Variants in PRKCE observed in about 807,000 individuals in gnomAD.
PRKCE encodes the protein protein kinase C epsilon type.
In PRKCE, 16 loss-of-function variants were observed where a neutral mutation model predicts 85.4. That is an observed-to-expected ratio of 0.19 (90% confidence interval 0.13 to 0.28). The LOEUF (loss-of-function observed/expected upper bound fraction) is 0.28, where lower values mean the gene tolerates loss of function less well. Among genes scored for constraint, PRKCE ranks in the 10% least tolerant of loss-of-function variants. PRKCE has a pLI of 1.00. For synonymous variants in PRKCE, 388 were observed against 371.5 expected (o/e 1.04, Z -0.51); for missense variants, 573 against 975.2 (o/e 0.59, Z 5.49).
At chr2:45,889,079 T>C (rs1297541739) in intron 2 of PRKCE, among the ~76,000 whole-genome samples, 2 of 152,232 alleles carry the variant, frequency 1.3e-5, no homozygotes, top group Admixed American at 6.5e-5. Flanking sequence ...GCATTTGGGT[T>C]GCTCTGTTAT....
chr2:46,019,375 G>C (rs980193969), intron 10 of PRKCE, among the ~76,000 whole-genome samples: 1 of 152,120 alleles, frequency 6.6e-6, no homozygotes, highest in Non-Finnish European at 1.5e-5. Flanking sequence ...CCATGGGATG[G>C]GGTCCTGTCC....
rs755406202 is a variant in PRKCE at position 46,086,324 on chromosome 2, G to T, written c.1554G>T (p.Ser518=). The T allele has an allele frequency of 6.3e-7, 1 of 1,599,536 alleles. No individual in the cohort carries two copies. Among genetic ancestry groups the T allele is most frequent in the South Asian group, 1.1e-5 (1 of 91,064 alleles). The change falls in exon 11 of 15, where the codon TCG becomes TCT. Residue 518 remains serine, a synonymous_variant. Coordinates refer to ENST00000306156, the MANE Select transcript of PRKCE (RefSeq NM_005400.3). ...RSRFYAAEVT[S]ALMFLHQHGV... is the part of the protein sequence containing the mutation. ...GGTTCTATGCTGCAGAGGTCACATC[G>T]GCCCTCATGTTCCTCCACCAGCATG... is the stretch of plus-strand genomic sequence containing the variant.
chr2:45,962,425 TA>T (rs1463532846), intron 2 of PRKCE, among the ~76,000 whole-genome samples: 1 of 152,228 alleles, frequency 6.6e-6, no homozygotes, highest in East Asian at 1.9e-4. Context: ...GGATCTCCCT[TA>T]AGCATCTGTG....
chr2:46,129,946 T>C (rs1674257034), intron 11 of PRKCE, among the ~76,000 whole-genome samples: 1 of 152,252 alleles, frequency 6.6e-6, no homozygotes, highest in South Asian at 2.1e-4. Context: ...GTGTATATCT[T>C]AACAGCTAAT....
intron 11 of PRKCE, among the ~76,000 whole-genome samples, chr2:46,118,818 G>A (rs17034573): frequency 0.03 from 4,578 of 152,282 alleles, 129 homozygotes; most frequent in East Asian, 0.11. Context: ...TGACCTGTCC[G>A]ATAGCAAACC....
At chr2:46,026,596 G>A (rs1707130621) in intron 10 of PRKCE, among the ~76,000 whole-genome samples, 1 of 152,176 alleles carries the variant, frequency 6.6e-6, no homozygotes, top group Non-Finnish European at 1.5e-5. Context: ...TTGACAACCT[G>A]TATCCAAGAG....
intron 11 of PRKCE, among the ~76,000 whole-genome samples, chr2:46,111,265 C>T (rs1672230471): frequency 6.6e-6 from 1 of 152,126 alleles, no homozygotes; most frequent in African/African-American, 2.4e-5. Context: ...CTGCTTGATC[C>T]ACCACTGAAA....
intron 6 of PRKCE, among the ~76,000 whole-genome samples, chr2:45,995,181 AG>A (rs1704116880): frequency 6.6e-6 from 1 of 152,188 alleles, no homozygotes; most frequent in South Asian, 2.1e-4. Flanking sequence ...TGGATAATAT[AG>A]GCATATATTA....
intron 6 of PRKCE, among the ~76,000 whole-genome samples, chr2:45,988,382 T>C (rs1481101439): frequency 6.6e-6 from 1 of 152,210 alleles, no homozygotes; most frequent in African/African-American, 2.4e-5. Flanking sequence ...AAGCATTGTG[T>C]GTGTACCCTT....
intron 2 of PRKCE, among the ~76,000 whole-genome samples, chr2:45,932,272 C>T (rs1380171604): frequency 6.6e-6 from 1 of 152,180 alleles, no homozygotes; most frequent in Non-Finnish European, 1.5e-5. Context: ...ATTTTCATTG[C>T]TGTAGACTAG....
chr2:45,920,271 G>A (rs1354107979), intron 2 of PRKCE, among the ~76,000 whole-genome samples: 1 of 152,222 alleles, frequency 6.6e-6, no homozygotes, highest in Admixed American at 6.5e-5. Context: ...GCACACTGAG[G>A]CCTCAGCTTG....
rs536831593 is a variant in PRKCE, at chr2:45,932,291, GGGAATATATCCGTTC to G, written c.413-44137_413-44123del. On this transcript the variant is annotated intron_variant, in intron 2 of 14. Transcript: ENST00000306156. ...TCATTGCTGTAGACTAGTCCATTGT[GGGAATATATCCGTTC>G]TATAACTGATGGACATGCACTTGTT... Among the ~76,000 whole-genome samples the G allele has an allele frequency of 2.5e-3, 376 of 152,300 alleles. 1 individual carries two copies. Among genetic ancestry groups the G allele is most frequent in the East Asian group, 0.011 (56 of 5,182 alleles).
chr2:45,865,305 A>AGGG (rs1247214215), intron 2 of PRKCE, among the ~76,000 whole-genome samples: 1 of 152,146 alleles, frequency 6.6e-6, no homozygotes, highest in Non-Finnish European at 1.5e-5. Flanking sequence ...AAGGAGGAGG[A>AGGG]GGAGGAGAAA....
Position 46,004,697 on chromosome 2 carries a change from G to C in PRKCE, c.1063+59G>C. 1 of 1,405,072 alleles carries C rather than the reference G, an allele frequency of 7.1e-7. No homozygotes were observed. The allele number at this position is 1,405,072 out of a possible 1,614,324, so 87.0% of individuals were successfully genotyped here. ...GTTCTGCCATTGGATGGACCAAGGA[G>C]CTCTGAGGCCTCTTTAACCAAGAGT... is the stretch of plus-strand genomic sequence containing the variant. On this transcript the variant is annotated intron_variant, in intron 8 of 14. Transcript: ENST00000306156. The surrounding 1 kb of genome is among the most constrained non-coding windows in gnomAD (Gnocchi z 4.1).
intron 1 of PRKCE, among the ~76,000 whole-genome samples, chr2:45,716,687 AAGAGAAGGAAG>A (rs1216292122): frequency 8.2e-4 from 58 of 71,084 alleles, no homozygotes; most frequent in African/African-American, 2.3e-3. Context: ...GAAGAAGAAG[AAGAGAAGGAAG>A]GAAGGAAGGA....
intron 10 of PRKCE, among the ~76,000 whole-genome samples, chr2:46,033,634 G>A (rs1707678903): frequency 6.6e-6 from 1 of 152,206 alleles, no homozygotes; most frequent in Non-Finnish European, 1.5e-5. Flanking sequence ...GAATCAATCA[G>A]CAAATGACTG....
chr2:45,897,129 C>T (rs564264702), intron 2 of PRKCE, among the ~76,000 whole-genome samples: 1 of 152,242 alleles, frequency 6.6e-6, no homozygotes, highest in South Asian at 2.1e-4. Flanking sequence ...TTAAATATAA[C>T]ATAATATGAA....
chr2:46,114,886 C>A (rs1025688365), intron 11 of PRKCE, among the ~76,000 whole-genome samples: 1 of 152,062 alleles, frequency 6.6e-6, no homozygotes, highest in Admixed American at 6.6e-5. Flanking sequence ...AAGAAAAAGG[C>A]AAGATTTAGA....
chr2:45,862,190 ACACACACACACAC>A (rs1693216869), intron 2 of PRKCE, among the ~76,000 whole-genome samples: 1 of 89,070 alleles, frequency 1.1e-5, no homozygotes, highest in Non-Finnish European at 2.5e-5. Flanking sequence ...GTATACACAC[ACACACACACACAC>A]ACACACACAC....
Sources: gnomAD v4.1 joint callset for allele counts (sites outside exome capture counted in the v4.1 genomes callset) on GRCh38, gnomAD v4.1.1 for gene constraint, Gnocchi (gnomAD v3.1) non-coding constraint, MANE v1.5 for transcripts, NCBI Gene and HGNC (gene_info 2026-07-23, HGNC 2026-07-21) for gene names.